PHF10: variants seen among roughly 807,000 people sequenced by gnomAD.
The protein encoded by PHF10 is BRG1-associated factor 45a.
A neutral mutation model predicts 68.5 loss-of-function variants in PHF10; 51 were observed. The ratio of observed to expected loss-of-function variants is 0.74; its 90% confidence interval spans 0.59 to 0.94. The LOEUF is 0.94. Among genes scored for constraint, PHF10 ranks in the 40% least tolerant of loss-of-function variants. The probability of loss-of-function intolerance (pLI) is 0.00; values close to 1 mark genes in which losing one functional copy is unlikely to be tolerated. For synonymous variants in PHF10, 204 were observed against 203.5 expected (o/e 1.00, Z -0.02); for missense variants, 460 against 602.6 (o/e 0.76, Z 2.48).
chr6:169,717,025 G>A (rs1423587148), intron 4 of PHF10, among the ~76,000 whole-genome samples: 1 of 152,204 alleles, frequency 6.6e-6, no homozygotes, highest in East Asian at 1.9e-4. Context: ...AGACCAAGGT[G>A]GGTGGATCAC....
chr6:169,704,366 T>G (rs1768650641), intron 11 of PHF10: 2 of 384,418 alleles, frequency 5.2e-6, no homozygotes, highest in Non-Finnish European at 9.5e-6. Flanking sequence ...TTCCTGAAAT[T>G]CAAACACTAT....
At chr6:169,714,664 G>C in intron 7 of PHF10, 69 bp downstream of exon 7, 1 of 789,340 alleles carries the variant, frequency 1.3e-6, no homozygotes, top group Non-Finnish European at 2.3e-6. Flanking sequence ...TTGTTAGGAG[G>C]CAAGTACAAA....
chr6:169,717,327 T>C (rs1002817613), intron 4 of PHF10, among the ~76,000 whole-genome samples: 47 of 152,264 alleles, frequency 3.1e-4, no homozygotes, highest in African/African-American at 1.1e-3. Context: ...GGGTTACATA[T>C]GATAAACCCA....
intron 9 of PHF10, chr6:169,710,020 T>C (rs963784309): frequency 2.6e-6 from 1 of 379,682 alleles, no homozygotes; most frequent in African/African-American, 2.1e-5. Context: ...AAATTGTACA[T>C]ATACAGAAAA....
At chr6:169,723,576 G>A (rs1289933920) in intron 1 of PHF10, among the ~76,000 whole-genome samples, 1 of 152,162 alleles carries the variant, frequency 6.6e-6, no homozygotes. Context: ...AGGAGGAGGC[G>A]TTTTGGGGAC....
intron 11 of PHF10, chr6:169,704,558 T>C (rs1425855489): frequency 5.8e-6 from 1 of 171,328 alleles, no homozygotes; most frequent in East Asian, 1.9e-4. Context: ...TCTGAATTAC[T>C]ACAGAAAAAT....
At chr6:169,710,086 A>G (rs1788892093) in intron 9 of PHF10, 150 bp downstream of exon 9, 1 of 535,392 alleles carries the variant, frequency 1.9e-6, no homozygotes, top group Non-Finnish European at 3.3e-6. Context: ...AATAAAGCAA[A>G]AAAGAAAGCA....
chr6:169,710,753 ATT>A (rs1285683841), intron 8 of PHF10, among the ~76,000 whole-genome samples: 1 of 152,068 alleles, frequency 6.6e-6, no homozygotes, highest in Non-Finnish European at 1.5e-5. Context: ...ACAAAAATAT[ATT>A]GTTACAAATA....
At chr6:169,718,388 G>A (rs1413146384) in intron 3 of PHF10, among the ~76,000 whole-genome samples, 4 of 152,310 alleles carry the variant, frequency 2.6e-5, no homozygotes, top group East Asian at 1.9e-4. Flanking sequence ...ACAGCCAGGC[G>A]TGGTGGCTCA....
At chr6:169,717,022 G>C (rs995372503) in intron 4 of PHF10, among the ~76,000 whole-genome samples, 2 of 152,220 alleles carry the variant, frequency 1.3e-5, no homozygotes, top group South Asian at 2.1e-4. Context: ...GGGAGACCAA[G>C]GTGGGTGGAT....
chr6:169,717,742 A>C (rs1240957112), intron 4 of PHF10, 81 bp downstream of exon 4: 3 of 625,620 alleles, frequency 4.8e-6, no homozygotes, highest in Non-Finnish European at 8.5e-6. Context: ...TTTGTAAAAT[A>C]TTTTAGGAAA....
chr6:169,706,700 TG>T (rs1788800215), intron 9 of PHF10, among the ~76,000 whole-genome samples: 1 of 144,492 alleles, frequency 6.9e-6, no homozygotes, highest in Admixed American at 7.1e-5. Flanking sequence ...AAGAATGAAA[TG>T]GGGTAAGGGG....
At chr6:169,717,956 C>G (rs1293992092) in intron 3 of PHF10, 50 bp from the exon 4 acceptor site, 4 of 797,302 alleles carry the variant, frequency 5.0e-6, no homozygotes, top group Non-Finnish European at 8.1e-6. Flanking sequence ...ACCTTATGCA[C>G]TTGTAAAACT....
chr6:169,717,026 G>C (rs1187914869), intron 4 of PHF10, among the ~76,000 whole-genome samples: 1 of 152,326 alleles, frequency 6.6e-6, no homozygotes, highest in African/African-American at 2.4e-5. Flanking sequence ...GACCAAGGTG[G>C]GTGGATCACA....
At position 169,705,880 on chromosome 6, in the gene PHF10, G is replaced by A. The variant is rs149100717; in HGVS notation, c.1114-156C>T. ...AACTTGACAGGAGTCTGCCTACAAT[G>A]TAAGACTGCCTACTGAAGAAAGCAT... On this transcript the variant is annotated intron_variant, in intron 9 of 11. Coordinates refer to ENST00000339209, the MANE Select transcript of PHF10 (RefSeq NM_018288.4). 2.4e-4 allele frequency among the ~76,000 whole-genome samples: 37 copies of A among 152,268 alleles called. No homozygotes were observed. In the East Asian group the frequency reaches 5.6e-3, roughly 23 times the overall value.
chr6:169,721,201 T>A (rs1004647610), intron 1 of PHF10, 90 bp from the exon 2 acceptor site: 13 of 717,814 alleles, frequency 1.8e-5, no homozygotes, highest in Non-Finnish European at 3.0e-5. Context: ...TAAGGACAAC[T>A]AGTCATACAA....
rs1366926757 is a variant in PHF10, at chr6:169,718,859, C to T, written c.254G>A (p.Gly85Glu). ...IEYKWPPDET[G>E]EYYMLQEQVS... is the part of the protein sequence containing the mutation. ...TTGTTCTTGAAGCATATAGTATTCT[C>T]CTGTTTCATCAGGTGGCCATTTGTA... The change falls in exon 3 of 12, where the codon GGA becomes GAA. Residue 85 changes from glycine to glutamate, a missense_variant. Physicochemically the swap from Gly to Glu is moderately conservative, Grantham distance 98. This residue lies in a region of PHF10 where 256 missense variants were observed against 410.5 expected (regional missense o/e 0.62). Transcript: ENST00000339209. 1 of 1,598,970 alleles carries T rather than the reference C, an allele frequency of 6.3e-7. No individual in the cohort carries two copies. Among genetic ancestry groups the T allele is most frequent in the Non-Finnish European group, 8.6e-7 (1 of 1,167,490 alleles).
intron 8 of PHF10, among the ~76,000 whole-genome samples, chr6:169,710,929 T>A (rs1394775649): frequency 2.0e-5 from 3 of 152,160 alleles, no homozygotes; most frequent in African/African-American, 7.2e-5. Context: ...TACAACAGGA[T>A]CTGAAATATT....
chr6:169,715,898 C>G (rs760161860), intron 5 of PHF10, 41 bp from the exon 6 acceptor site: 2 of 1,597,084 alleles, frequency 1.3e-6, no homozygotes, highest in East Asian at 4.5e-5. Flanking sequence ...ATATAACTTT[C>G]TAAAATGTCA....
Sources: gnomAD v4.1 joint callset for allele counts (sites outside exome capture counted in the v4.1 genomes callset) on GRCh38, gnomAD v4.1.1 for gene constraint, gnomAD v4.1.1 regional missense constraint, MANE v1.5 for transcripts, NCBI Gene and HGNC (gene_info 2026-07-23, HGNC 2026-07-21) for gene names.